Variants in HELZ observed in about 807,000 individuals in gnomAD.
HELZ encodes the protein ATP-dependent RNA helicase with zinc finger domain.
A neutral mutation model predicts 218.2 loss-of-function variants in HELZ; 23 were observed. The ratio of observed to expected loss-of-function variants is 0.11; its 90% CI spans 0.08 to 0.15. HELZ has a LOEUF of 0.15. HELZ is among the 10% of genes least tolerant of loss of function. The pLI, the probability that HELZ is intolerant of heterozygous loss-of-function variation, is 1.00. For synonymous variants in HELZ, 814 were observed against 829.4 expected (o/e 0.98, Z 0.32); for missense variants, 1,813 against 2,353.7 (o/e 0.77, Z 4.75).
chr17:67,078,767 T>C (rs1204281862), intron 32 of HELZ, among the ~76,000 whole-genome samples, 181 bp from the exon 33 acceptor site: 1 of 152,192 alleles, frequency 6.6e-6, no homozygotes, highest in African/African-American at 2.4e-5. Flanking sequence ...CAAACGTCCC[T>C]ATCTTATAGA....
At chr17:67,242,208 G>C (rs556024904) in intron 2 of HELZ, among the ~76,000 whole-genome samples, 5 of 152,270 alleles carry the variant, frequency 3.3e-5, no homozygotes, top group African/African-American at 7.2e-5. Context: ...CTGAGGTCAG[G>C]AGCTCGAGAC....
chr17:67,086,779 T>A, intron 32 of HELZ, 50 bp downstream of exon 32: 1 of 1,590,762 alleles, frequency 6.3e-7, no homozygotes, highest in Non-Finnish European at 8.6e-7. Context: ...TCCACAGATA[T>A]CCGGGAGCTG....
intron 4 of HELZ, among the ~76,000 whole-genome samples, chr17:67,216,554 CT>C (rs2040606109): frequency 6.6e-6 from 1 of 151,984 alleles, no homozygotes; most frequent in African/African-American, 2.4e-5. Context: ...TTTCCTTTCT[CT>C]TTTTTTTCTT....
chr17:67,222,537 C>T (rs1449525602), intron 3 of HELZ, among the ~76,000 whole-genome samples: 1 of 152,118 alleles, frequency 6.6e-6, no homozygotes, highest in African/African-American at 2.4e-5. Context: ...CCCCAATTAC[C>T]TTTGTTAATC....
chr17:67,120,304 A>T, intron 27 of HELZ, 101 bp downstream of exon 27: 1 of 957,318 alleles, frequency 1.0e-6, no homozygotes, highest in Non-Finnish European at 1.6e-6. Context: ...TCTATAATCC[A>T]TGAAAAAGTT....
chr17:67,107,040 C>T, intron 31 of HELZ, 129 bp downstream of exon 31: 1 of 921,610 alleles, frequency 1.1e-6, no homozygotes, highest in Non-Finnish European at 1.6e-6. Context: ...TAAAATAATT[C>T]CCAAGAAAGG....
At chr17:67,217,407 A>G (rs1249799139) in intron 4 of HELZ, among the ~76,000 whole-genome samples, 2 of 152,138 alleles carry the variant, frequency 1.3e-5, no homozygotes, top group Non-Finnish European at 2.9e-5. Flanking sequence ...TCTGGCCTGG[A>G]TTATTCTAAT....
intron 2 of HELZ, among the ~76,000 whole-genome samples, chr17:67,241,585 A>G (rs2041315575): frequency 6.6e-6 from 1 of 152,104 alleles, no homozygotes; most frequent in Non-Finnish European, 1.5e-5. Flanking sequence ...TTTTGGCATC[A>G]CTCCTCTTCC....
intron 17 of HELZ, among the ~76,000 whole-genome samples, chr17:67,159,134 G>A (rs578042652): frequency 6.6e-6 from 1 of 152,278 alleles, no homozygotes; most frequent in East Asian, 1.9e-4. Context: ...TCAGAGATTA[G>A]ATTCTGAAGC....
At chr17:67,146,468 T>A (rs370070161) in intron 20 of HELZ, among the ~76,000 whole-genome samples, 1 of 152,222 alleles carries the variant, frequency 6.6e-6, no homozygotes, top group Non-Finnish European at 1.5e-5. Flanking sequence ...GGCTATGCCA[T>A]CTAGGTTAGT....
At chr17:67,147,360 TAC>T (rs1321479927) in intron 20 of HELZ, among the ~76,000 whole-genome samples, 33 of 152,350 alleles carry the variant, frequency 2.2e-4, no homozygotes, top group African/African-American at 7.9e-4. Flanking sequence ...CAGCTCTTGT[TAC>T]AGTCTTTTGT....
Position 67,206,045 on chromosome 17 carries a change from T to C in HELZ, c.248-2602A>G, listed in dbSNP as rs141063471. Among the ~76,000 whole-genome samples the C allele has an allele frequency of 1.0e-3, 154 of 152,342 alleles. No individual in the cohort carries two copies. In the East Asian group the frequency reaches 0.018, roughly 18 times the overall value. ...CTGCCAATCTAGTTCCTTATTACCT[T>C]GAAAAAGCTTGGGGGAAAAAAAGTA... On this transcript the variant is annotated intron_variant, in intron 5 of 32. Transcript: ENST00000358691.
At chr17:67,158,199 C>T (rs1485418335) in intron 17 of HELZ, among the ~76,000 whole-genome samples, 1 of 152,182 alleles carries the variant, frequency 6.6e-6, no homozygotes, top group Non-Finnish European at 1.5e-5. Flanking sequence ...TTTCCAGGGC[C>T]TGTTCCAGCC....
chr17:67,186,177 T>C (rs2039749212), intron 12 of HELZ, among the ~76,000 whole-genome samples: 1 of 151,774 alleles, frequency 6.6e-6, no homozygotes, highest in African/African-American at 2.4e-5. Context: ...AAAACCCAAC[T>C]CTTCTCTTTT....
At chr17:67,098,738 C>A (rs1474187476) in intron 31 of HELZ, among the ~76,000 whole-genome samples, 1 of 152,038 alleles carries the variant, frequency 6.6e-6, no homozygotes, top group African/African-American at 2.4e-5. Context: ...AGCGAGACTC[C>A]ATCTCAAAAA....
intron 9 of HELZ, 119 bp from the exon 10 acceptor site, chr17:67,190,474 A>AT (rs1975977970): frequency 1.4e-6 from 1 of 715,258 alleles, no homozygotes. Flanking sequence ...CTGAAAGGCC[A>AT]TATTTATCGT....
intron 31 of HELZ, among the ~76,000 whole-genome samples, chr17:67,102,600 G>A (rs1182499039): frequency 1.3e-5 from 2 of 152,156 alleles, no homozygotes; most frequent in African/African-American, 4.8e-5. Flanking sequence ...TAACGTTAAA[G>A]AAATTATTTT....
intron 23 of HELZ, among the ~76,000 whole-genome samples, chr17:67,131,589 T>C (rs1261683832): frequency 6.6e-6 from 1 of 151,374 alleles, no homozygotes; most frequent in Non-Finnish European, 1.5e-5. Context: ...TATAGCAAAA[T>C]GGTAAAGCAC....
rs969407609 is a variant in HELZ, at chr17:67,188,946, C to T, written c.865-330G>A. Among the ~76,000 whole-genome samples, 1 of 152,096 alleles carries T rather than the reference C, an allele frequency of 6.6e-6. No homozygotes were observed. Among genetic ancestry groups the T allele is most frequent in the Non-Finnish European group, 1.5e-5 (1 of 68,018 alleles). ...CATGTAGCCTCAAGTAGGAAGCCTT[C>T]GTAAGAGGGCAGTTACCTCTGAAAG... On this transcript the variant is annotated intron_variant, in intron 11 of 32. Coordinates refer to ENST00000358691, the MANE Select transcript of HELZ (RefSeq NM_014877.4). The surrounding 1 kb of genome is among the most constrained non-coding windows in gnomAD (Gnocchi z 4.1).
Sources: gnomAD v4.1 joint callset for allele counts (sites outside exome capture counted in the v4.1 genomes callset) on GRCh38, gnomAD v4.1.1 for gene constraint, Gnocchi (gnomAD v3.1) non-coding constraint, MANE v1.5 for transcripts, NCBI Gene and HGNC (gene_info 2026-07-23, HGNC 2026-07-21) for gene names.